The following TTC7A variants were observed in gnomAD, a reference collection of about 807,000 sequenced individuals.
The protein encoded by TTC7A is tetratricopeptide repeat domain 7A.
In TTC7A, 110 loss-of-function variants were observed where a neutral mutation model predicts 103.7. The observed-to-expected ratio is 1.06, with a 90% CI of 0.91 to 1.24. The LOEUF (loss-of-function observed/expected upper bound fraction) is 1.24, where lower values mean the gene tolerates loss of function less well. TTC7A is among the 50% of genes most tolerant of loss of function. TTC7A has a pLI of 0.00. For missense variants in TTC7A, 1,340 were observed against 1,116.3 expected, an observed-to-expected ratio of 1.20 and a Z score of -2.86; for synonymous variants, 521 against 467.9, an observed-to-expected ratio of 1.11 and a Z score of -1.47.
intron 3 of TTC7A, among the ~76,000 whole-genome samples, chr2:46,967,508 T>C (rs1558518872): frequency 1.3e-5 from 2 of 152,214 alleles, no homozygotes; most frequent in African/African-American, 2.4e-5. Context: ...TCATACAGTA[T>C]TTGCCTTTTT....
At chr2:47,045,075 G>C (rs1682172243) in intron 15 of TTC7A, among the ~76,000 whole-genome samples, 1 of 152,226 alleles carries the variant, frequency 6.6e-6, no homozygotes, top group African/African-American at 2.4e-5. Context: ...TGCAGGCCCT[G>C]ACAGTACCGT....
intron 15 of TTC7A, among the ~76,000 whole-genome samples, chr2:47,042,607 G>A (rs1342598557): frequency 1.3e-5 from 2 of 152,070 alleles, no homozygotes; most frequent in African/African-American, 4.8e-5. Context: ...ATATGCCAAA[G>A]TATATTTTGG....
chr2:47,074,178 G>T lies in TTC7A; in HGVS notation c.*255G>T. 1 of 532,014 alleles carries T rather than the reference G, an allele frequency of 1.9e-6. No individual in the cohort carries two copies. 33.0% of individuals were successfully genotyped at this position (532,014 alleles called of 1,614,324 possible). Reference sequence around the variant, plus strand: ...GGAGAGTTTTGTGGTGACCAGACTTGCTCCCCAAGAGCTGGGCAGCGGGGA... The same window carrying T: ...GGAGAGTTTTGTGGTGACCAGACTTTCTCCCCAAGAGCTGGGCAGCGGGGA... On this transcript the variant is annotated 3_prime_UTR_variant, in exon 20 of 20. Coordinates refer to ENST00000319190, the MANE Select transcript of TTC7A (RefSeq NM_020458.4).
chr2:47,050,069 A>T (rs3816065), intron 17 of TTC7A, 23 bp downstream of exon 17: 28 of 1,588,522 alleles, frequency 1.8e-5, no homozygotes, highest in Non-Finnish European at 2.3e-5. Flanking sequence ...TCCTTGGGCC[A>T]CTGTGTGCAT....
At chr2:47,013,071 C>A (rs1678251699) in intron 11 of TTC7A, among the ~76,000 whole-genome samples, 1 of 152,152 alleles carries the variant, frequency 6.6e-6, no homozygotes, top group African/African-American at 2.4e-5. Flanking sequence ...GTTTTCTCAT[C>A]TGTAAAATGG....
At position 47,074,064 on chromosome 2, in the gene TTC7A, C is replaced by G. The variant is rs1276115082; in HGVS notation, c.*141C>G. Reference sequence around the variant, plus strand: ...AGTGAACGCCTCTGCAGCTGCAGCCCTCGTTCTCTTGGCTGGGCCAAGAGG... The same window carrying G: ...AGTGAACGCCTCTGCAGCTGCAGCCGTCGTTCTCTTGGCTGGGCCAAGAGG... On this transcript the variant is annotated 3_prime_UTR_variant, in exon 20 of 20. Coordinates refer to ENST00000319190, the MANE Select transcript of TTC7A (RefSeq NM_020458.4). 2 of 657,400 alleles carry G rather than the reference C, an allele frequency of 3.0e-6. No homozygotes were observed. The highest frequency in any genetic ancestry group is 5.2e-6 in the Non-Finnish European group (2 of 388,316). The allele number at this position is 657,400 out of a possible 1,614,324, so 40.7% of individuals were successfully genotyped here. A position where few individuals can be genotyped will look rare whatever the true frequency, so the allele number is the denominator to read the frequency against.
At chr2:47,000,782 G>C (rs1209368847) in intron 8 of TTC7A, among the ~76,000 whole-genome samples, 1 of 152,214 alleles carries the variant, frequency 6.6e-6, no homozygotes, top group Non-Finnish European at 1.5e-5. Flanking sequence ...CCAATGGAGA[G>C]CCTGTTTTTG....
At chr2:47,040,974 A>G (rs11884118) in intron 15 of TTC7A, among the ~76,000 whole-genome samples, 2 of 152,166 alleles carry the variant, frequency 1.3e-5, no homozygotes, top group African/African-American at 4.8e-5. Context: ...GAGGGCATAA[A>G]TGTTGAAAGC....
intron 2 of TTC7A, among the ~76,000 whole-genome samples, chr2:46,932,186 G>T (rs191678101): frequency 1.2e-4 from 18 of 149,622 alleles, no homozygotes; most frequent in African/African-American, 4.2e-4. Context: ...GTCTTGCTCT[G>T]TCACCCAGGC....
chr2:46,957,153 T>A (rs772275255), intron 3 of TTC7A, 146 bp downstream of exon 3: 1 of 1,013,816 alleles, frequency 9.9e-7, no homozygotes, highest in Non-Finnish European at 1.4e-6. Context: ...TGGATGCCGG[T>A]GGCAACCGGC....
chr2:46,997,439 C>G (rs1243253447), intron 8 of TTC7A, among the ~76,000 whole-genome samples: 1 of 152,128 alleles, frequency 6.6e-6, no homozygotes, highest in Admixed American at 6.5e-5. Context: ...TATGAAATTG[C>G]CAATTTTCAA....
intron 5 of TTC7A, among the ~76,000 whole-genome samples, chr2:46,979,891 G>A (rs369893995): frequency 2.6e-5 from 4 of 152,184 alleles, no homozygotes; most frequent in East Asian, 3.9e-4. Flanking sequence ...GAGAGGAGCA[G>A]ACCCATAGGT....
intron 8 of TTC7A, among the ~76,000 whole-genome samples, chr2:47,002,988 T>C (rs912389904): frequency 3.3e-5 from 5 of 152,178 alleles, no homozygotes; most frequent in African/African-American, 4.8e-5. Context: ...TTTGTGCTGC[T>C]GCTGCTGCCG....
In TTC7A at chr2:46,947,434, G is replaced by A. The variant is rs921923697; in HGVS notation, c.185-2929G>A. Among the ~76,000 whole-genome samples the A allele has an allele frequency of 1.1e-4, 17 of 152,140 alleles. 1 individual carries two copies. Among genetic ancestry groups the A allele is most frequent in the Non-Finnish European group, 1.5e-5 (1 of 68,038 alleles). The stretch of plus-strand genomic sequence containing the variant: ...TTTGTTTTCTTTAAATTCCAAATCT[G>A]GCCAGGCATAGTGGTTCACATCTGT... On this transcript the variant is annotated intron_variant, in intron 1 of 19. Coordinates refer to ENST00000319190, the MANE Select transcript of TTC7A (RefSeq NM_020458.4).
chr2:46,936,051 A>C (rs527429099), intron 2 of TTC7A, among the ~76,000 whole-genome samples: 1 of 152,326 alleles, frequency 6.6e-6, no homozygotes, highest in African/African-American at 2.4e-5. Flanking sequence ...TGATTGCACC[A>C]TAGCACTCCA....
intron 18 of TTC7A, among the ~76,000 whole-genome samples, chr2:47,053,865 C>T (rs1355646901): frequency 2.0e-5 from 3 of 152,292 alleles, no homozygotes; most frequent in East Asian, 1.9e-4. Flanking sequence ...TGAGCCACTG[C>T]GCCCGGCCTG....
At chr2:46,981,124 G>C (rs976290587) in intron 5 of TTC7A, among the ~76,000 whole-genome samples, 2 of 152,074 alleles carry the variant, frequency 1.3e-5, no homozygotes, top group Non-Finnish European at 2.9e-5. Flanking sequence ...GCCCCTCTCT[G>C]GCCCTTGACA....
chr2:46,941,514 C>T lies in TTC7A; in HGVS notation c.-28C>T, dbSNP rs931728213. The T allele has an allele frequency of 6.5e-7, 1 of 1,547,864 alleles. No individual in the cohort carries two copies. On this transcript the variant is annotated 5_prime_UTR_variant, in exon 1 of 20. Transcript: ENST00000319190. This position sits in a 1 kb window ranked among gnomAD's most constrained non-coding sequence, Gnocchi z 4.2. ...CGGCCGGGTCTCCACTTCTTGGCCG[C>T]ACCTTCCATGACAGCGCCCGCGAGA...
intron 3 of TTC7A, among the ~76,000 whole-genome samples, chr2:46,963,228 A>G (rs1432243248): frequency 6.6e-6 from 1 of 151,990 alleles, no homozygotes; most frequent in Admixed American, 6.6e-5. Context: ...AGAATTTTCA[A>G]CTCCATTTAT....
Sources: gnomAD v4.1 joint callset for allele counts (sites outside exome capture counted in the v4.1 genomes callset) on GRCh38, gnomAD v4.1.1 for gene constraint, Gnocchi (gnomAD v3.1) non-coding constraint, MANE v1.5 for transcripts, NCBI Gene and HGNC (gene_info 2026-07-23, HGNC 2026-07-21) for gene names.